The following YY1 variants were observed in gnomAD, a reference collection of about 807,000 sequenced individuals.
The protein encoded by YY1 is YY1 transcription factor.
YY1 carries 2 observed loss-of-function variants against 35.6 expected under a neutral mutation model. The observed-to-expected ratio is 0.06, with a 90% CI of 0.02 to 0.18. The LOEUF (loss-of-function observed/expected upper bound fraction) is 0.18, where lower values mean the gene tolerates loss of function less well. YY1 is among the 10% of genes least tolerant of loss of function. The pLI, the probability that YY1 is intolerant of heterozygous loss-of-function variation, is 1.00. For synonymous variants in YY1, 268 were observed against 238.9 expected, an observed-to-expected ratio of 1.12 and a Z score of -1.12; for missense variants, 322 against 573.4, an observed-to-expected ratio of 0.56 and a Z score of 4.48.
chr14:100,244,341 T>TGC (rs1890798386), intron 1 of YY1, among the ~76,000 whole-genome samples: 1 of 102,120 alleles, frequency 9.8e-6, no homozygotes, highest in African/African-American at 3.2e-5. Context: ...TTTTTTTTTT[T>TGC]TTGAGACAGG....
At chr14:100,260,269 GT>G (rs1891062590) in intron 1 of YY1, among the ~76,000 whole-genome samples, 2 of 150,888 alleles carry the variant, frequency 1.3e-5, no homozygotes, top group African/African-American at 2.4e-5. Context: ...TAGAGTTGGG[GT>G]TTCATCATGT....
chr14:100,246,278 C>T (rs1251866071), intron 1 of YY1, among the ~76,000 whole-genome samples: 2 of 152,180 alleles, frequency 1.3e-5, no homozygotes, highest in East Asian at 1.9e-4. Context: ...AGCACAGGTG[C>T]GGGGCCAGTG....
rs927501922 is a variant in YY1 at position 100,282,539 on chromosome 14, G to A, written c.*4939G>A. ...TATTCGCTTTCTGGTAACTTCTGTA[G>A]GCCCTGGCTCAAGGACTTAGCATTT... On this transcript the variant is annotated 3_prime_UTR_variant, in exon 5 of 5. Coordinates refer to ENST00000262238, the MANE Select transcript of YY1 (RefSeq NM_003403.5). The A allele has an allele frequency of 6.6e-6, 1 of 152,172 alleles. No individual in the cohort carries two copies. Among genetic ancestry groups the A allele is most frequent in the South Asian group, 2.1e-4 (1 of 4,832 alleles). The allele number at this position is 152,172 out of a possible 1,614,324, so 9.4% of individuals were successfully genotyped here. A position where few individuals can be genotyped will look rare whatever the true frequency, so the allele number is the denominator to read the frequency against.
intron 1 of YY1, among the ~76,000 whole-genome samples, chr14:100,242,020 G>A (rs1360338717): frequency 6.7e-6 from 1 of 149,950 alleles, no homozygotes; most frequent in African/African-American, 2.5e-5. Flanking sequence ...CAATGAGTAA[G>A]GGATGGGGGT....
intron 1 of YY1, among the ~76,000 whole-genome samples, chr14:100,261,764 G>C (rs1044065014): frequency 2.0e-5 from 3 of 152,210 alleles, no homozygotes; most frequent in Non-Finnish European, 4.4e-5. Flanking sequence ...GGTAGCAAGA[G>C]ACTAGCTAAG....
At chr14:100,254,875 C>A (rs977714052) in intron 1 of YY1, among the ~76,000 whole-genome samples, 30 of 147,620 alleles carry the variant, frequency 2.0e-4, no homozygotes, top group African/African-American at 7.2e-4. Context: ...TGGGTTCAAG[C>A]AATTCTCCTG....
chr14:100,276,669 T>TA lies in YY1; in HGVS notation c.1062+21_1062+22insA. The TA allele has an allele frequency of 6.2e-7, 1 of 1,614,002 alleles. No individual in the cohort carries two copies. Among genetic ancestry groups the TA allele is most frequent in the Non-Finnish European group, 8.5e-7 (1 of 1,179,966 alleles). On this transcript the variant is annotated intron_variant, in intron 4 of 4. Coordinates refer to ENST00000262238, the MANE Select transcript of YY1 (RefSeq NM_003403.5). The surrounding 1 kb of genome is among the most constrained non-coding windows in gnomAD (Gnocchi z 4.1). ...TTCAGGTAGAGCCAGTTCCCTCTCT[T>TA]CCCCACACTGCCTTGCCTGTCTGAA...
intron 1 of YY1, among the ~76,000 whole-genome samples, chr14:100,240,689 C>G (rs1363685190): frequency 1.3e-5 from 2 of 152,228 alleles, no homozygotes; most frequent in African/African-American, 4.8e-5. Context: ...GAGCCTGTCA[C>G]CGCCGTTGCC....
At chr14:100,254,631 A>G (rs1890974008) in intron 1 of YY1, among the ~76,000 whole-genome samples, 1 of 151,606 alleles carries the variant, frequency 6.6e-6, no homozygotes, top group Non-Finnish European at 1.5e-5. Context: ...TAAATTTTGT[A>G]TTTTTAGTCA....
At position 100,277,286 on chromosome 14, in the gene YY1, G is replaced by T. The variant is rs1045588693; in HGVS notation, c.1063-132G>T. ...GCTGATTCTAGACTATATCCACAAA[G>T]TTCACCCAGGGCAGGAATGAAAAGT... On this transcript the variant is annotated intron_variant, in intron 4 of 4. Transcript: ENST00000262238. The surrounding 1 kb of genome is among the most constrained non-coding windows in gnomAD (Gnocchi z 5.6). The T allele has an allele frequency of 1.5e-5, 17 of 1,160,662 alleles. No homozygotes were observed. Among genetic ancestry groups the T allele is most frequent in the Non-Finnish European group, 1.8e-5 (14 of 793,638 alleles). The allele number at this position is 1,160,662 out of a possible 1,614,324, so 71.9% of individuals were successfully genotyped here.
At position 100,277,222 on chromosome 14, in the gene YY1, AG is replaced by A; in HGVS notation, c.1063-193del. On this transcript the variant is annotated intron_variant, in intron 4 of 4. Coordinates refer to ENST00000262238, the MANE Select transcript of YY1 (RefSeq NM_003403.5). This position sits in a 1 kb window ranked among gnomAD's most constrained non-coding sequence, Gnocchi z 5.6. ...TGCCAAGTGTTTTAAACAGTTCGTGAGGGCTCTCCTTGGGTTTTCGGGGTTG... is the reference window on the plus strand; with the variant it reads ...TGCCAAGTGTTTTAAACAGTTCGTGAGGCTCTCCTTGGGTTTTCGGGGTTG... 1 of 676,940 alleles carries A rather than the reference AG, an allele frequency of 1.5e-6. No individual in the cohort carries two copies. Among genetic ancestry groups the A allele is most frequent in the Non-Finnish European group, 2.6e-6 (1 of 385,616 alleles). The allele number at this position is 676,940 out of a possible 1,614,324, so 41.9% of individuals were successfully genotyped here. A position where few individuals can be genotyped will look rare whatever the true frequency, so the allele number is the denominator to read the frequency against.
At chr14:100,272,495 A>G (rs1234314865) in intron 2 of YY1, among the ~76,000 whole-genome samples, 1 of 152,140 alleles carries the variant, frequency 6.6e-6, no homozygotes, top group Non-Finnish European at 1.5e-5. Flanking sequence ...TCCTTTTCCC[A>G]GATTATAAGT....
intron 2 of YY1, among the ~76,000 whole-genome samples, chr14:100,269,752 T>TA (rs1190865854): frequency 1.3e-5 from 2 of 152,200 alleles, no homozygotes. Context: ...ATCTTCCACT[T>TA]ACTCCTTAAG....
At chr14:100,274,663 A>G in intron 2 of YY1, 35 bp from the exon 3 acceptor site, 2 of 1,597,830 alleles carry the variant, frequency 1.3e-6, no homozygotes, top group South Asian at 2.2e-5. Context: ...ACCCACTCCT[A>G]CAAATCTGTC....
Position 100,239,261 on chromosome 14 carries a change from C to T in YY1, c.17C>T (p.Thr6Ile), listed in dbSNP as rs1415949028. ...CCCTCAGCCATGGCCTCGGGCGACA[C>T]CCTCTACATCGCCACGGACGGCTCG... MASGD[T>I]LYIATDGSEM... The change falls in exon 1 of 5, where the codon ACC (threonine) becomes ATC (isoleucine). Residue 6 changes from threonine to isoleucine, a missense_variant. Thr to Ile is a moderately conservative substitution (Grantham distance 89, BLOSUM62 -1). Around this residue, in one of 4 missense-constraint regions of YY1, gnomAD observed 137 missense variants for 167.0 expected, o/e 0.82. Coordinates refer to ENST00000262238, the MANE Select transcript of YY1 (RefSeq NM_003403.5). 1 of 1,574,146 alleles carries T rather than the reference C, an allele frequency of 6.4e-7. No homozygotes were observed. Among genetic ancestry groups the T allele is most frequent in the Admixed American group, 1.8e-5 (1 of 55,042 alleles).
In YY1 at chr14:100,239,457, CCACCACCACCAT is replaced by C. The variant is rs1566765691; in HGVS notation, c.225_236del (p.His77_His80del). 8 of 1,599,902 alleles carry C rather than the reference CCACCACCACCAT, an allele frequency of 5.0e-6. No individual in the cohort carries two copies. Among genetic ancestry groups the C allele is most frequent in the African/African-American group, 2.7e-5 (2 of 73,974 alleles). On this transcript the variant is annotated inframe_deletion, in exon 1 of 5. Transcript: ENST00000262238. ...GCGGCCACGGGCACGCCGGCCACCA[CCACCACCACCAT>C]CACCACCACCACCACCCGCCCATGA... is the stretch of plus-strand genomic sequence containing the variant.
At chr14:100,244,483 A>G (rs1337065112) in intron 1 of YY1, among the ~76,000 whole-genome samples, 2 of 151,088 alleles carry the variant, frequency 1.3e-5, no homozygotes, top group Non-Finnish European at 2.9e-5. Flanking sequence ...AAGTTTCGCC[A>G]TGTTGCCCAG....
At chr14:100,268,490 C>A (rs2091813988) in intron 2 of YY1, among the ~76,000 whole-genome samples, 1 of 152,066 alleles carries the variant, frequency 6.6e-6, no homozygotes, top group Non-Finnish European at 1.5e-5. Flanking sequence ...AAAGTTAGAC[C>A]TTTGAAAACC....
At chr14:100,240,823 C>G (rs1471192856) in intron 1 of YY1, among the ~76,000 whole-genome samples, 3 of 151,916 alleles carry the variant, frequency 2.0e-5, no homozygotes, top group Admixed American at 6.5e-5. Flanking sequence ...AAGTATTTAG[C>G]TCTTCTGAAT....
Sources: allele counts gnomAD v4.1 joint callset (sites outside exome capture counted in the v4.1 genomes callset), GRCh38; gene constraint gnomAD v4.1.1; regional missense constraint gnomAD v4.1.1; non-coding constraint Gnocchi (gnomAD v3.1); transcripts MANE v1.5; gene names NCBI Gene and HGNC (gene_info 2026-07-23, HGNC 2026-07-21).